The following MSRA variants were observed in gnomAD, a reference collection of about 807,000 sequenced individuals.
MSRA encodes the protein methionine sulfoxide reductase A.
A neutral mutation model predicts 31.3 loss-of-function variants in MSRA; 54 were observed. That is an observed-to-expected ratio of 1.73 (90% confidence interval 1.39 to 2.17). The LOEUF (loss-of-function observed/expected upper bound fraction) is 2.17, where lower values mean the gene tolerates loss of function less well. Ranked by LOEUF, MSRA falls within the 30% of genes most tolerant of loss-of-function variation. The pLI is 0.00. For missense variants in MSRA, 507 were observed against 300.9 expected (o/e 1.69, Z -5.07); for synonymous variants, 169 against 116.5 (o/e 1.45, Z -2.90).
At chr8:10,202,172 C>T (rs183700150) in intron 1 of MSRA, among the ~76,000 whole-genome samples, 1 of 152,334 alleles carries the variant, frequency 6.6e-6, no homozygotes, top group East Asian at 1.9e-4. Flanking sequence ...CCACCCTTCC[C>T]CCATATCTTA....
intron 5 of MSRA, among the ~76,000 whole-genome samples, chr8:10,410,483 G>T (rs1267213727): frequency 1.3e-5 from 2 of 152,194 alleles, no homozygotes; most frequent in Non-Finnish European, 2.9e-5. Context: ...TTAGAGCAGT[G>T]CTCCTGAAAT....
At chr8:10,282,261 A>G (rs1400197523) in intron 3 of MSRA, among the ~76,000 whole-genome samples, 2 of 152,248 alleles carry the variant, frequency 1.3e-5, no homozygotes, top group Admixed American at 6.5e-5. Flanking sequence ...CAGAAGGGCC[A>G]AGATAGAGAA....
At chr8:10,109,985 C>T (rs770449701) in intron 1 of MSRA, among the ~76,000 whole-genome samples, 3 of 152,070 alleles carry the variant, frequency 2.0e-5, no homozygotes, top group Non-Finnish European at 4.4e-5. Context: ...CAAGTTCACC[C>T]TTAGTAGGCT....
At chr8:10,281,411 A>G (rs1585353678) in intron 3 of MSRA, among the ~76,000 whole-genome samples, 1 of 152,162 alleles carries the variant, frequency 6.6e-6, no homozygotes, top group African/African-American at 2.4e-5. Flanking sequence ...CATGAACATA[A>G]TTTTCCAGTT....
chr8:10,227,291 A>C (rs1811080605), intron 2 of MSRA, among the ~76,000 whole-genome samples: 1 of 152,160 alleles, frequency 6.6e-6, no homozygotes, highest in Non-Finnish European at 1.5e-5. Context: ...TTGTGACCTC[A>C]AGGGAGAGAA....
intron 2 of MSRA, among the ~76,000 whole-genome samples, chr8:10,229,993 C>T (rs1256109058): frequency 6.6e-6 from 1 of 152,192 alleles, no homozygotes; most frequent in Non-Finnish European, 1.5e-5. Flanking sequence ...AGGAATCCCT[C>T]CATTATGAAC....
At chr8:10,172,560 G>T (rs1805683426) in intron 1 of MSRA, among the ~76,000 whole-genome samples, 2 of 152,134 alleles carry the variant, frequency 1.3e-5, no homozygotes, top group African/African-American at 4.8e-5. Context: ...GACCAGTAAT[G>T]GAGGGAATAT....
intron 5 of MSRA, among the ~76,000 whole-genome samples, chr8:10,420,643 C>T (rs968900250): frequency 2.0e-5 from 3 of 152,022 alleles, no homozygotes; most frequent in African/African-American, 7.2e-5. Context: ...TCAGTGGTAG[C>T]ACAGGTGATC....
chr8:10,182,781 C>T (rs1302021027), intron 1 of MSRA, among the ~76,000 whole-genome samples: 1 of 152,114 alleles, frequency 6.6e-6, no homozygotes, highest in Non-Finnish European at 1.5e-5. Flanking sequence ...AACATGGCAG[C>T]CTGCTTCATC....
At chr8:10,428,033 C>G (rs1809293160) in intron 5 of MSRA, 115 bp from the exon 6 acceptor site, 2 of 1,156,626 alleles carry the variant, frequency 1.7e-6, no homozygotes, top group Non-Finnish European at 2.4e-6. Flanking sequence ...AGGGGACCCA[C>G]TGCACATCCC....
Position 10,398,798 on chromosome 8 carries a change from C to A in MSRA, c.544-29350C>A, listed in dbSNP as rs542900856. ...CGAGGTTTTTCATTTCTTTTTTAAC[C>A]TTATTATGTCAAAAGAGTTGTCTTG... is the stretch of plus-strand genomic sequence containing the variant. On this transcript the variant is annotated intron_variant, in intron 5 of 5. Coordinates refer to ENST00000317173, the MANE Select transcript of MSRA (RefSeq NM_012331.5). Among the ~76,000 whole-genome samples, 4 of 152,282 alleles carry A rather than the reference C, an allele frequency of 2.6e-5. No individual in the cohort carries two copies. The South Asian group carries it at 8.3e-4, about 32-fold the overall frequency.
At chr8:10,340,546 T>A (rs981819034) in intron 5 of MSRA, among the ~76,000 whole-genome samples, 3 of 152,218 alleles carry the variant, frequency 2.0e-5, no homozygotes, top group African/African-American at 7.2e-5. Context: ...CTAGTTTTTG[T>A]ATTTTTGGTA....
intron 1 of MSRA, among the ~76,000 whole-genome samples, chr8:10,071,911 TAC>T (rs768303677): frequency 6.6e-6 from 1 of 152,122 alleles, no homozygotes; most frequent in Non-Finnish European, 1.5e-5. Flanking sequence ...GAGCAATAGT[TAC>T]ACAGAGAAGA....
At position 10,233,211 on chromosome 8, in the gene MSRA, C is replaced by T. The variant is rs555285157; in HGVS notation, c.212-11893C>T. Among the ~76,000 whole-genome samples the T allele has an allele frequency of 7.9e-5, 12 of 152,328 alleles. No individual in the cohort carries two copies. In the South Asian group the frequency reaches 2.5e-3, roughly 32 times the overall value. On this transcript the variant is annotated intron_variant, in intron 2 of 5. Coordinates refer to ENST00000317173, the MANE Select transcript of MSRA (RefSeq NM_012331.5). ...TTGTAGCCACTGCTGCAGCAGGGAA[C>T]CCTGGAAACTCTAATCACCTTCGTG...
At position 10,301,384 on chromosome 8, in the gene MSRA, G is replaced by C. The variant is rs1337135595; in HGVS notation, c.332-150G>C. The C allele has an allele frequency of 8.2e-6, 5 of 611,460 alleles. No individual in the cohort carries two copies. In the African/African-American group the frequency reaches 9.2e-5, roughly 11 times the overall value. The allele number at this position is 611,460 out of a possible 1,614,324, so 37.9% of individuals were successfully genotyped here. ...AAGAACCAGTAACAGAGCCTTGAGA[G>C]AGACTCTTAGCTAAAGTCTAATCCT... On this transcript the variant is annotated intron_variant, in intron 3 of 5. Transcript: ENST00000317173.
intron 1 of MSRA, among the ~76,000 whole-genome samples, chr8:10,131,762 G>A (rs1406465513): frequency 1.3e-5 from 2 of 152,164 alleles, no homozygotes; most frequent in East Asian, 1.9e-4. Context: ...GGACTCTGTC[G>A]CTGCCTCTTC....
At chr8:10,330,838 G>A (rs143741677) in intron 5 of MSRA, among the ~76,000 whole-genome samples, 5 of 152,276 alleles carry the variant, frequency 3.3e-5, no homozygotes, top group South Asian at 4.1e-4. Flanking sequence ...AGCCCGTTTT[G>A]TTGCCCCTTG....
intron 1 of MSRA, among the ~76,000 whole-genome samples, chr8:10,148,375 C>T (rs564335632): frequency 6.6e-6 from 1 of 150,940 alleles, no homozygotes; most frequent in Admixed American, 6.6e-5. Context: ...AGGCCAGGCA[C>T]GGTGGCTCAT....
chr8:10,074,560 A>G (rs1797905957), intron 1 of MSRA, among the ~76,000 whole-genome samples: 1 of 152,170 alleles, frequency 6.6e-6, no homozygotes, highest in African/African-American at 2.4e-5. Context: ...TAGAGATATT[A>G]TGTCCTGCAT....
Sources: gnomAD v4.1 joint callset for allele counts (sites outside exome capture counted in the v4.1 genomes callset) on GRCh38, gnomAD v4.1.1 for gene constraint, MANE v1.5 for transcripts, NCBI Gene and HGNC (gene_info 2026-07-23, HGNC 2026-07-21) for gene names.